The following BBS2 variants were observed in gnomAD, a reference collection of about 807,000 sequenced individuals.
BBS2 encodes BBSome complex member BBS2.
BBS2 carries 62 observed loss-of-function variants against 83.0 expected under a neutral mutation model. That is an observed-to-expected ratio of 0.75 (90% CI 0.61 to 0.92). The LOEUF is 0.92. Among genes scored for constraint, BBS2 ranks in the 40% least tolerant of loss-of-function variants. The pLI, the probability that BBS2 is intolerant of heterozygous loss-of-function variation, is 0.00. For synonymous variants in BBS2, 303 were observed against 326.1 expected (o/e 0.93, Z 0.76); for missense variants, 784 against 901.0 (o/e 0.87, Z 1.66).
At chr16:56,506,568 T>C (rs1964428428) in intron 5 of BBS2, among the ~76,000 whole-genome samples, 1 of 152,192 alleles carries the variant, frequency 6.6e-6, no homozygotes, top group Non-Finnish European at 1.5e-5. Flanking sequence ...ATACAATAGA[T>C]ATTATATATG....
downstream of BBS2, among the ~76,000 whole-genome samples, chr16:56,483,561 T>C (rs1452258611): frequency 5.3e-5 from 8 of 152,180 alleles, no homozygotes; most frequent in Admixed American, 6.5e-5. Context: ...AATGAGTCAT[T>C]ATGATTTTGA....
At chr16:56,494,713 A>G (rs1468465322) in intron 15 of BBS2, among the ~76,000 whole-genome samples, 1 of 152,218 alleles carries the variant, frequency 6.6e-6, no homozygotes, top group East Asian at 1.9e-4. Context: ...CTGTAATCCC[A>G]GCACTTTGGG....
intron 17 of BBS2, among the ~76,000 whole-genome samples, chr16:56,475,129 T>C (rs540059482): frequency 1.8e-4 from 27 of 152,282 alleles, no homozygotes; most frequent in Admixed American, 1.3e-4. Context: ...CAGCTCAAAA[T>C]AGGATTTATA....
downstream of BBS2, among the ~76,000 whole-genome samples, chr16:56,482,421 A>AGT (rs1370638149): frequency 6.6e-6 from 1 of 152,140 alleles, no homozygotes; most frequent in Non-Finnish European, 1.5e-5. Context: ...GCTAGAGTGC[A>AGT]GTGGCATGAT....
At position 56,499,892 on chromosome 16, in the gene BBS2, T is replaced by G. The variant is rs35294865; in HGVS notation, c.1413A>C (p.Val471=). The G allele has an allele frequency of 0.016, 25,155 of 1,614,088 alleles. 270 individuals carry two copies. The highest frequency in any genetic ancestry group is 0.019 in the Middle Eastern group (116 of 6,062). ...VGYRSSTQFH[V]FESTRQLPRF... is the part of the protein sequence containing the mutation. ...GAGGGAGCTGTCTTGTCGATTCAAA[T>G]ACATGAAACTGGGTGCTATGGCCAA... Residue 471 remains valine (V), a synonymous_variant, in exon 12 of 17, where the codon GTA becomes GTC. Transcript: ENST00000245157.
chr16:56,496,477 TC>T (rs1278767180), intron 15 of BBS2, among the ~76,000 whole-genome samples: 1 of 152,256 alleles, frequency 6.6e-6, no homozygotes, highest in Non-Finnish European at 1.5e-5. Context: ...TATAGTTTAC[TC>T]TTTTCTCTAA....
downstream of BBS2, among the ~76,000 whole-genome samples, chr16:56,482,908 T>C (rs942643659): frequency 2.6e-5 from 4 of 152,194 alleles, no homozygotes; most frequent in African/African-American, 7.2e-5. Flanking sequence ...GATAGTGTGC[T>C]ACTTTCAGAC....
At chr16:56,518,450 T>C (rs746638082) in intron 1 of BBS2, among the ~76,000 whole-genome samples, 2 of 152,184 alleles carry the variant, frequency 1.3e-5, no homozygotes, top group Non-Finnish European at 2.9e-5. Context: ...AAATAACAGG[T>C]AACAATCAGT....
chr16:56,476,455 A>G (rs1290149353), intron 17 of BBS2: 1 of 302,836 alleles, frequency 3.3e-6, no homozygotes, highest in Non-Finnish European at 5.9e-6. Flanking sequence ...CTTTTTCCAT[A>G]TTGGCTTCTT....
chr16:56,473,189 C>G (rs1456289936), intron 17 of BBS2, among the ~76,000 whole-genome samples: 3 of 152,172 alleles, frequency 2.0e-5, no homozygotes, highest in Admixed American at 6.5e-5. Context: ...CCTGGCCTCC[C>G]AAAGTGCTGG....
At chr16:56,491,094 AG>A (rs1289272685) in intron 15 of BBS2, among the ~76,000 whole-genome samples, 12 of 152,182 alleles carry the variant, frequency 7.9e-5, no homozygotes, top group Non-Finnish European at 5.9e-5. Context: ...ATCTAAGCAA[AG>A]GGAAAACCCA....
chr16:56,502,433 C>T lies in BBS2; in HGVS notation c.964G>A (p.Ala322Thr). The change falls in exon 9 of 17, where the codon GCT (alanine) becomes ACT (threonine). Residue 322 changes from alanine (A) to threonine (T), a missense_variant. Physicochemically the swap from Ala to Thr is moderately conservative, Grantham distance 58. Coordinates refer to ENST00000245157, the MANE Select transcript of BBS2 (RefSeq NM_031885.5). ...GEIRGYLPGT[A>T]EMRGNLMDTS... ...TCCATGAGGTTGCCCCTCATCTCAG[C>T]CGTGCCAGGCAGGTAGCCCCGGACT... The T allele has an allele frequency of 2.5e-6, 4 of 1,614,222 alleles. No homozygotes were observed. The highest frequency in any genetic ancestry group is 3.4e-6 in the Non-Finnish European group (4 of 1,180,046).
intron 12 of BBS2, 23 bp downstream of exon 12, chr16:56,499,755 A>G (rs1442046937): frequency 2.5e-6 from 4 of 1,613,898 alleles, no homozygotes; most frequent in Non-Finnish European, 3.4e-6. Flanking sequence ...AAAAGCATTG[A>G]AAGAGAAAAG....
rs1172637602 is a variant in BBS2 at position 56,505,959 on chromosome 16, G to A, written c.795C>T (p.Ser265=). ...TGCTATTCAAACTTACCTTCCCATT[G>A]GACCAACCAGTTATCAGTTCATTCA... is the stretch of plus-strand genomic sequence containing the variant. ...DGVNELITGW[S]NGKVDARSDR... The change falls in exon 7 of 17, where the codon TCC becomes TCT. Residue 265 remains serine, a synonymous_variant. Coordinates refer to ENST00000245157, the MANE Select transcript of BBS2 (RefSeq NM_031885.5). 2 of 1,613,204 alleles carry A rather than the reference G, an allele frequency of 1.2e-6. No homozygotes were observed. The highest frequency in any genetic ancestry group is 1.7e-4 in the Middle Eastern group (1 of 5,968).
intron 17 of BBS2, chr16:56,476,620 C>T (rs1963488781): frequency 6.5e-6 from 1 of 153,914 alleles, no homozygotes; most frequent in African/African-American, 2.4e-5. Context: ...AGAAGTTTTC[C>T]ATCTTCCCAA....
chr16:56,507,899 C>T (rs12443628), intron 5 of BBS2, among the ~76,000 whole-genome samples: 26,386 of 151,964 alleles, frequency 0.17, 2,502 homozygotes, highest in East Asian at 0.27. Context: ...ACCTGGGAGG[C>T]GGAGGTTGCA....
chr16:56,516,050 T>C (rs2144199307), intron 1 of BBS2: 2 of 152,372 alleles, frequency 1.3e-5, no homozygotes, highest in South Asian at 4.1e-4. Flanking sequence ...ACGGGCTCCA[T>C]ATTCATTCTT....
chr16:56,514,750 A>G (rs1964686106), intron 1 of BBS2, 70 bp from the exon 2 acceptor site: 1 of 1,230,718 alleles, frequency 8.1e-7, no homozygotes, highest in Non-Finnish European at 1.2e-6. Context: ...TTTTTAAAAA[A>G]GAACCAGGTT....
In BBS2 at chr16:56,470,741, A is replaced by C. The variant is rs780194961; in HGVS notation, c.*1-46T>G. ...ATGGCCATCAGCAACAACAGCCAAC[A>C]GAGCAATGAGCAGACAGACCCAGAG... On this transcript the variant is annotated intron_variant, in intron 17 of 17. Transcript: ENST00000682047. 1.2e-5 allele frequency: 20 copies of C among 1,613,506 alleles called. No homozygotes were observed. The South Asian group carries it at 2.0e-4, about 16-fold the overall frequency.
Sources: gnomAD v4.1 joint callset for allele counts (sites outside exome capture counted in the v4.1 genomes callset) on GRCh38, gnomAD v4.1.1 for gene constraint, MANE v1.5 for transcripts, NCBI Gene and HGNC (gene_info 2026-07-23, HGNC 2026-07-21) for gene names.